The following WDR72 variants were observed in gnomAD, a reference collection of about 807,000 sequenced individuals.
The protein encoded by WDR72 is WD repeat-containing protein 72.
WDR72 carries 120 observed loss-of-function variants against 124.2 expected under a neutral mutation model. The ratio of observed to expected loss-of-function variants is 0.97; its 90% CI spans 0.83 to 1.12. The LOEUF (loss-of-function observed/expected upper bound fraction) is 1.12. Among genes scored for constraint, WDR72 ranks in the 50% most tolerant of loss-of-function variants. WDR72 has a pLI of 0.00. For synonymous variants in WDR72, 452 were observed against 441.7 expected, an observed-to-expected ratio of 1.02 and a Z score of -0.29; for missense variants, 1,387 against 1,278.8, an observed-to-expected ratio of 1.08 and a Z score of -1.29.
In WDR72 at chr15:53,644,694, G is replaced by C. The variant is rs116696622; in HGVS notation, c.1962+20878C>G. On this transcript the variant is annotated intron_variant, in intron 14 of 19. Transcript: ENST00000360509. ...CCAACCATTCATTTTCAGATTCTCT[G>C]AGACCTAGGTTGCTGAAGATCGTTG... is the stretch of plus-strand genomic sequence containing the variant. 1.3e-3 allele frequency among the ~76,000 whole-genome samples: 195 copies of C among 152,204 alleles called. 1 individual carries two copies. The highest frequency in any genetic ancestry group is 4.6e-3 in the African/African-American group (190 of 41,534).
At chr15:53,563,172 A>G (rs192221831) in intron 18 of WDR72, among the ~76,000 whole-genome samples, 7 of 151,908 alleles carry the variant, frequency 4.6e-5, no homozygotes, top group Admixed American at 3.9e-4. Context: ...TGTGTTGGAT[A>G]TTGGTAAGAT....
chr15:53,640,694 T>A (rs1452631840), intron 14 of WDR72, among the ~76,000 whole-genome samples: 1 of 152,150 alleles, frequency 6.6e-6, no homozygotes, highest in East Asian at 1.9e-4. Context: ...GTTATTCTTT[T>A]GTCATGCTGT....
intron 19 of WDR72, among the ~76,000 whole-genome samples, chr15:53,518,263 A>G (rs1420984867): frequency 3.3e-5 from 5 of 152,032 alleles, no homozygotes; most frequent in Admixed American, 1.3e-4. Context: ...AAAAAAAGCC[A>G]CTCATTTAAA....
At chr15:53,517,863 A>AGGAAGAAG in intron 19 of WDR72, 109 bp from the exon 20 acceptor site, 1 of 1,026,924 alleles carries the variant, frequency 9.7e-7, no homozygotes. Flanking sequence ...AGATACAGAA[A>AGGAAGAAG]GGAAGAAGGG....
At chr15:53,666,405 C>T (rs539404706) in intron 13 of WDR72, among the ~76,000 whole-genome samples, 3 of 151,926 alleles carry the variant, frequency 2.0e-5, no homozygotes, top group Non-Finnish European at 4.4e-5. Context: ...TCAAGTTCAA[C>T]TTAAAGTTAA....
chr15:53,674,084 T>C (rs1008725183), intron 13 of WDR72, among the ~76,000 whole-genome samples: 8 of 152,216 alleles, frequency 5.3e-5, no homozygotes, highest in African/African-American at 1.9e-4. Flanking sequence ...CAAAGCTTAA[T>C]AGCAAGAACA....
At position 53,607,418 on chromosome 15, in the gene WDR72, T is replaced by C. The variant is rs560613878; in HGVS notation, c.2952+2095A>G. Among the ~76,000 whole-genome samples the C allele has an allele frequency of 3.3e-5, 5 of 152,104 alleles. 1 individual carries two copies. The East Asian group carries it at 7.7e-4, about 23-fold the overall frequency. On this transcript the variant is annotated intron_variant, in intron 17 of 19. Coordinates refer to ENST00000360509, the MANE Select transcript of WDR72 (RefSeq NM_182758.4). ...TCGACAAAAGTGCCAAGAACATACA[T>C]TGGGGAAAAGACAGTCTCTTCAATA...
intron 12 of WDR72, among the ~76,000 whole-genome samples, chr15:53,700,819 T>A (rs1361738123): frequency 6.6e-6 from 1 of 152,170 alleles, no homozygotes; most frequent in Non-Finnish European, 1.5e-5. Flanking sequence ...AGCCTAGACT[T>A]GCAGAACGGA....
chr15:53,727,442 A>T (rs563599750), intron 2 of WDR72, among the ~76,000 whole-genome samples: 1 of 152,258 alleles, frequency 6.6e-6, no homozygotes, highest in Non-Finnish European at 1.5e-5. Flanking sequence ...ATAATCAGAA[A>T]TATTTCCTTC....
At chr15:53,567,774 C>T (rs930256127) in intron 18 of WDR72, among the ~76,000 whole-genome samples, 1 of 151,630 alleles carries the variant, frequency 6.6e-6, no homozygotes, top group Non-Finnish European at 1.5e-5. Flanking sequence ...CTAAAATCTT[C>T]TGAAAACAAT....
chr15:53,669,268 C>T (rs1199160317), intron 13 of WDR72, among the ~76,000 whole-genome samples: 1 of 152,058 alleles, frequency 6.6e-6, no homozygotes, highest in Admixed American at 6.6e-5. Flanking sequence ...TCTCTGGCAC[C>T]CGCGAGGGAA....
intron 13 of WDR72, among the ~76,000 whole-genome samples, chr15:53,675,120 G>A (rs917247600): frequency 3.3e-5 from 5 of 152,036 alleles, no homozygotes; most frequent in Non-Finnish European, 7.4e-5. Flanking sequence ...CGAAGCAGGC[G>A]GATCACGAGG....
At chr15:53,703,433 CT>C (rs1430379414) in intron 11 of WDR72, among the ~76,000 whole-genome samples, 1 of 150,540 alleles carries the variant, frequency 6.6e-6, no homozygotes, top group African/African-American at 2.4e-5. Context: ...ATTAATCTGC[CT>C]TTTCTCCCTG....
chr15:53,571,573 G>A (rs938316765), intron 18 of WDR72, among the ~76,000 whole-genome samples: 1 of 152,070 alleles, frequency 6.6e-6, no homozygotes, highest in African/African-American at 2.4e-5. Context: ...AGGCCGAACA[G>A]TATTTGATTA....
chr15:53,582,984 T>C lies in WDR72; in HGVS notation c.3148+14095A>G, dbSNP rs115353348. On this transcript the variant is annotated intron_variant, in intron 18 of 19. Transcript: ENST00000360509. ...ATTCTCCTATGGAAAGGCCCAAATG[T>C]AGCTAGAGTAAAATATATCATTTTT... Among the ~76,000 whole-genome samples, 394 of 152,102 alleles carry C rather than the reference T, an allele frequency of 2.6e-3. 2 individuals are homozygous for C. The highest frequency in any genetic ancestry group is 9.2e-3 in the African/African-American group (383 of 41,540).
At chr15:53,715,462 T>G in intron 4 of WDR72, 95 bp from the exon 5 acceptor site, 2 of 1,442,484 alleles carry the variant, frequency 1.4e-6, no homozygotes, top group Non-Finnish European at 1.9e-6. Context: ...AGTTTTAGCA[T>G]ATGATCAATT....
chr15:53,573,623 G>T (rs1408925780), intron 18 of WDR72, among the ~76,000 whole-genome samples: 1 of 151,246 alleles, frequency 6.6e-6, no homozygotes, highest in African/African-American at 2.4e-5. Flanking sequence ...TCAGCTTACT[G>T]CAACCTCCAC....
chr15:53,562,398 A>C lies in WDR72; in HGVS notation c.3148+34681T>G, dbSNP rs182717005. On this transcript the variant is annotated intron_variant, in intron 18 of 19. Coordinates refer to ENST00000360509, the MANE Select transcript of WDR72 (RefSeq NM_182758.4). Reference sequence around the variant, plus strand: ...TGGACCTCAAAGTTTAGTGTAAATTAGAAGCAACTGAGAGTTTGTTAAAAC... The same window carrying C: ...TGGACCTCAAAGTTTAGTGTAAATTCGAAGCAACTGAGAGTTTGTTAAAAC... 3.7e-3 allele frequency among the ~76,000 whole-genome samples: 565 copies of C among 151,926 alleles called. 3 individuals are homozygous for C. Among genetic ancestry groups the C allele is most frequent in the Non-Finnish European group, 6.1e-3 (415 of 67,850 alleles).
chr15:53,695,433 C>T lies in WDR72; in HGVS notation c.1765+4317G>A, dbSNP rs377135393. Among the ~76,000 whole-genome samples, 54 of 152,348 alleles carry T rather than the reference C, an allele frequency of 3.5e-4. 3 individuals are homozygous for T. Among genetic ancestry groups the T allele is most frequent in the East Asian group, 2.3e-3 (12 of 5,182 alleles). ...TTATTACGCCTATTGTGTCTCACAGCAATGAGGGCGACCAAGCCGCCCAGA... is the reference window on the plus strand; with the variant it reads ...TTATTACGCCTATTGTGTCTCACAGTAATGAGGGCGACCAAGCCGCCCAGA... On this transcript the variant is annotated intron_variant, in intron 13 of 19. Transcript: ENST00000360509.
Sources: allele counts gnomAD v4.1 joint callset (sites outside exome capture counted in the v4.1 genomes callset), GRCh38; gene constraint gnomAD v4.1.1; transcripts MANE v1.5; gene names NCBI Gene and HGNC (gene_info 2026-07-23, HGNC 2026-07-21).